The following RARB variants were observed in gnomAD, a reference collection of about 807,000 sequenced individuals.
RARB encodes the protein retinoic acid receptor beta, also known as HBV-activated protein.
A neutral mutation model predicts 51.9 loss-of-function variants in RARB; 17 were observed. The observed-to-expected ratio is 0.33, with a 90% CI of 0.22 to 0.49. The LOEUF is 0.49. RARB is among the 20% of genes least tolerant of loss of function. The probability of loss-of-function intolerance (pLI) is 0.99; values close to 1 mark genes in which losing one functional copy is unlikely to be tolerated. For synonymous variants in RARB, 215 were observed against 195.4 expected (o/e 1.10, Z -0.84); for missense variants, 369 against 550.8 (o/e 0.67, Z 3.30).
At chr3:24,987,056 T>G (rs749827670) in intron 2 of RARB, among the ~76,000 whole-genome samples, 13 of 152,204 alleles carry the variant, frequency 8.5e-5, no homozygotes, top group Non-Finnish European at 1.8e-4. Flanking sequence ...AAAAACAATC[T>G]AATTTAATCA....
intron 3 of RARB, among the ~76,000 whole-genome samples, chr3:25,083,473 C>G (rs904457703): frequency 4.6e-5 from 7 of 151,798 alleles, no homozygotes; most frequent in East Asian, 1.9e-4. Context: ...TTTTTCATTT[C>G]TAGAATTTTC....
intron 3 of RARB, among the ~76,000 whole-genome samples, chr3:25,514,263 C>G (rs1020562272): frequency 3.3e-5 from 5 of 152,202 alleles, no homozygotes; most frequent in Non-Finnish European, 7.3e-5. Context: ...TCTTCTCCCT[C>G]TGCTATCACA....
At chr3:24,838,846 C>T (rs1702379743) in intron 1 of RARB, among the ~76,000 whole-genome samples, 1 of 151,582 alleles carries the variant, frequency 6.6e-6, no homozygotes, top group Non-Finnish European at 1.5e-5. Flanking sequence ...GGAGCAATTT[C>T]AGCCTAGTAA....
At chr3:25,211,866 C>T (rs547017405) in intron 5 of RARB, among the ~76,000 whole-genome samples, 1 of 152,228 alleles carries the variant, frequency 6.6e-6, no homozygotes, top group Non-Finnish European at 1.5e-5. Flanking sequence ...TAAACAATTA[C>T]AAATCATGCA....
intron 5 of RARB, among the ~76,000 whole-genome samples, chr3:25,178,285 C>A (rs1293671703): frequency 1.3e-5 from 2 of 151,982 alleles, no homozygotes; most frequent in Non-Finnish European, 2.9e-5. Context: ...AAGCTTAGAA[C>A]ACAGGGAACA....
At chr3:25,519,283 C>T (rs901948587) in intron 3 of RARB, among the ~76,000 whole-genome samples, 1 of 151,394 alleles carries the variant, frequency 6.6e-6, no homozygotes, top group African/African-American at 2.5e-5. Flanking sequence ...CGGGTATAGA[C>T]CTAAGAGTGA....
At chr3:25,579,848 A>T (rs1218582852) in intron 4 of RARB, among the ~76,000 whole-genome samples, 2 of 152,150 alleles carry the variant, frequency 1.3e-5, no homozygotes, top group Non-Finnish European at 2.9e-5. Flanking sequence ...AGAATATTTC[A>T]TGGGTGGTGG....
chr3:25,164,449 C>A (rs141182704), intron 4 of RARB, among the ~76,000 whole-genome samples: 1 of 152,184 alleles, frequency 6.6e-6, no homozygotes, highest in African/African-American at 2.4e-5. Context: ...CAGTCCTGAC[C>A]TACTATGGAA....
At chr3:25,261,951 C>G (rs1444532473) in intron 5 of RARB, among the ~76,000 whole-genome samples, 1 of 152,132 alleles carries the variant, frequency 6.6e-6, no homozygotes, top group Non-Finnish European at 1.5e-5. Context: ...TCATTCTGCC[C>G]TCTCCAAACC....
intron 3 of RARB, among the ~76,000 whole-genome samples, chr3:25,110,860 C>T (rs1699589554): frequency 6.6e-6 from 1 of 152,168 alleles, no homozygotes; most frequent in Non-Finnish European, 1.5e-5. Context: ...CCTCATTTCT[C>T]AGGGAAACAA....
chr3:24,876,123 A>G (rs1162804418), intron 2 of RARB, among the ~76,000 whole-genome samples: 2 of 152,176 alleles, frequency 1.3e-5, no homozygotes, highest in Admixed American at 6.5e-5. Flanking sequence ...ATGTCAATGC[A>G]TCTTATTACT....
chr3:24,893,397 C>G (rs547197117), intron 2 of RARB, among the ~76,000 whole-genome samples: 2 of 152,308 alleles, frequency 1.3e-5, no homozygotes, highest in South Asian at 2.1e-4. Context: ...ACATTGACAG[C>G]TTTAATTTTT....
intron 3 of RARB, among the ~76,000 whole-genome samples, chr3:25,504,921 C>A (rs376534348): frequency 2.6e-5 from 4 of 151,982 alleles, no homozygotes; most frequent in African/African-American, 9.7e-5. Flanking sequence ...CCACGCCCGG[C>A]TAATTTTTGT....
At chr3:25,165,687 G>A (rs757261376) in intron 4 of RARB, among the ~76,000 whole-genome samples, 6 of 152,070 alleles carry the variant, frequency 3.9e-5, no homozygotes, top group East Asian at 3.9e-4. Flanking sequence ...TATACCTTAC[G>A]TTTGGGAATA....
At chr3:25,157,380 G>A (rs56141112) in intron 4 of RARB, among the ~76,000 whole-genome samples, 84,983 of 146,600 alleles carry the variant, frequency 0.58, 24,803 homozygotes, top group Admixed American at 0.67. Context: ...GTGTGTGTGT[G>A]TATATATATG....
intron 5 of RARB, among the ~76,000 whole-genome samples, chr3:25,374,252 A>C (rs1393456782): frequency 6.6e-6 from 1 of 152,084 alleles, no homozygotes; most frequent in African/African-American, 2.4e-5. Flanking sequence ...AGGAAAGAGC[A>C]AAAAACAGAA....
At chr3:25,507,908 CTG>C (rs1479799113) in intron 3 of RARB, among the ~76,000 whole-genome samples, 1 of 152,112 alleles carries the variant, frequency 6.6e-6, no homozygotes, top group African/African-American at 2.4e-5. Flanking sequence ...TACCCTGTGT[CTG>C]TAACAGAAAC....
At chr3:25,349,722 T>A (rs1171052859) in intron 5 of RARB, among the ~76,000 whole-genome samples, 1 of 152,228 alleles carries the variant, frequency 6.6e-6, no homozygotes, top group Non-Finnish European at 1.5e-5. Flanking sequence ...TTGTGTCTTT[T>A]AATTTTGAAA....
At chr3:25,522,724 G>T (rs1364787677) in intron 3 of RARB, among the ~76,000 whole-genome samples, 1 of 152,124 alleles carries the variant, frequency 6.6e-6, no homozygotes, top group Non-Finnish European at 1.5e-5. Flanking sequence ...ACAGCCCCGG[G>T]TAAGGGGGAG....
Sources: gnomAD v4.1 joint callset for allele counts (sites outside exome capture counted in the v4.1 genomes callset) on GRCh38, gnomAD v4.1.1 for gene constraint, MANE v1.5 for transcripts, NCBI Gene and HGNC (gene_info 2026-07-23, HGNC 2026-07-21) for gene names.